GRK6: variants seen among roughly 807,000 people sequenced by gnomAD.
The protein encoded by GRK6 is G protein-coupled receptor kinase 6.
Under a neutral mutation model 80.8 loss-of-function variants are expected in GRK6, and 37 were observed. The ratio of observed to expected loss-of-function variants is 0.46; its 90% confidence interval spans 0.35 to 0.60. The LOEUF (loss-of-function observed/expected upper bound fraction) is 0.60, where lower values mean the gene tolerates loss of function less well. GRK6 is among the 20% of genes least tolerant of loss of function. The pLI is 0.00. For synonymous variants in GRK6, 295 were observed against 320.9 expected, an observed-to-expected ratio of 0.92 and a Z score of 0.86; for missense variants, 560 against 784.6, an observed-to-expected ratio of 0.71 and a Z score of 3.42.
At chr5:177,430,407 T>C (rs1490733785) in intron 1 of GRK6, among the ~76,000 whole-genome samples, 2 of 152,182 alleles carry the variant, frequency 1.3e-5, no homozygotes, top group African/African-American at 4.8e-5. Context: ...GCGTCTGATA[T>C]CTCTGATGTG....
rs905404094 is a variant in GRK6 at position 177,441,497 on chromosome 5, C to A, written c.1678-240C>A. On this transcript the variant is annotated intron_variant, in intron 15 of 15. Transcript: ENST00000355472. The stretch of plus-strand genomic sequence containing the variant: ...GGGCAGAGGCCTTGCCCTGGCAGAC[C>A]GTGGGATCTACCCAGCCCCCTTACT... 11 of 622,228 alleles carry A rather than the reference C, an allele frequency of 1.8e-5. No homozygotes were observed. The African/African-American group carries it at 2.0e-4, about 11-fold the overall frequency. The allele number at this position is 622,228 out of a possible 1,614,324, so 38.5% of individuals were successfully genotyped here. A position where few individuals can be genotyped will look rare whatever the true frequency, so the allele number is the denominator to read the frequency against.
In GRK6 at chr5:177,436,086, G is replaced by A. The variant is rs1368314385; in HGVS notation, c.1071G>A (p.Val357=). 1.9e-6 allele frequency: 3 copies of A among 1,612,788 alleles called. No homozygotes were observed. Among genetic ancestry groups the A allele is most frequent in the Non-Finnish European group, 1.7e-6 (2 of 1,178,910 alleles). The change falls in exon 12 of 16, where the codon GTG becomes GTA. Residue 357 remains valine (V), a synonymous_variant. Coordinates refer to ENST00000355472, the MANE Select transcript of GRK6 (RefSeq NM_001004106.3). ...CCGCCCGCCCAGCTCCGGAGGTGGT[G>A]AAGAATGAACGGTACACGTTCAGCC... ...GTVGYMAPEV[V]KNERYTFSPD... is the part of the protein sequence containing the mutation.
Position 177,433,547 on chromosome 5 carries a change from C to T in GRK6, c.609C>T (p.Cys203=). 1 of 1,614,078 alleles carries T rather than the reference C, an allele frequency of 6.2e-7. No individual in the cohort carries two copies. Among genetic ancestry groups the T allele is most frequent in the Non-Finnish European group, 8.5e-7 (1 of 1,180,016 alleles). ...GKGGFGEVCA[C]QVRATGKMYA... is the part of the protein sequence containing the mutation. The stretch of plus-strand genomic sequence containing the variant: ...CTGTCTGGCCACAGGTGTGCGCCTG[C>T]CAGGTGCGGGCCACAGGTAAGATGT... The change falls in exon 8 of 16, where the codon TGC becomes TGT. Residue 203 remains cysteine, a synonymous_variant. Transcript: ENST00000355472.
At chr5:177,435,152 C>T (rs752877386) in intron 11 of GRK6, 31 bp downstream of exon 11, 78 of 1,520,844 alleles carry the variant, frequency 5.1e-5, no homozygotes, top group African/African-American at 8.2e-5. Flanking sequence ...CCACTAGCCT[C>T]CTGGGTTCCC....
rs370123571 is a variant in GRK6 at position 177,436,063 on chromosome 5, G to A, written c.1058-10G>A. The stretch of plus-strand genomic sequence containing the variant: ...CCTGCCCAGCCCTAACTCCCATGCC[G>A]CCCGCCCAGCTCCGGAGGTGGTGAA... On this transcript the variant is annotated splice_polypyrimidine_tract_variant and intron_variant, in intron 11 of 15. Transcript: ENST00000355472. 334 of 1,610,234 alleles carry A rather than the reference G, an allele frequency of 2.1e-4. No individual in the cohort carries two copies. The African/African-American group carries it at 2.7e-3, about 13-fold the overall frequency.
rs1763686401 is a variant in GRK6, at chr5:177,426,706, G to C, written c.-140G>C. On this transcript the variant is annotated 5_prime_UTR_variant, in exon 1 of 16. Coordinates refer to ENST00000355472, the MANE Select transcript of GRK6 (RefSeq NM_001004106.3). ...GTGCGCGGCTGGCTGCGGCGGCCGGGGAGGCCGGGGAGGCCGCGGCGCGGT... is the reference window on the plus strand; with the variant it reads ...GTGCGCGGCTGGCTGCGGCGGCCGGCGAGGCCGGGGAGGCCGCGGCGCGGT... The C allele has an allele frequency of 7.3e-6, 2 of 275,550 alleles. No homozygotes were observed. Among genetic ancestry groups the C allele is most frequent in the Non-Finnish European group, 1.1e-5 (2 of 182,838 alleles). The allele number at this position is 275,550 out of a possible 1,614,324, so 17.1% of individuals were successfully genotyped here.
intron 1 of GRK6, 55 bp from the exon 2 acceptor site, chr5:177,430,817 A>T (rs563550918): frequency 6.6e-7 from 1 of 1,519,860 alleles, no homozygotes; most frequent in East Asian, 2.3e-5. Flanking sequence ...CTGAGGACCC[A>T]GAGGCAGTTC....
chr5:177,433,028 C>A, intron 5 of GRK6, 119 bp from the exon 6 acceptor site: 1 of 902,608 alleles, frequency 1.1e-6, no homozygotes, highest in Non-Finnish European at 1.8e-6. Context: ...AGCAGGAGGA[C>A]TGGCCGACGA....
chr5:177,431,032 C>T (rs2127371514), intron 2 of GRK6, 65 bp downstream of exon 2: 4 of 1,394,090 alleles, frequency 2.9e-6, no homozygotes, highest in East Asian at 2.4e-5. Flanking sequence ...GGGGAGCCTC[C>T]CCTGAGACCT....
chr5:177,442,114 TC>T lies in GRK6; in HGVS notation c.*326del. ...GCAGACCTGGCGCCCCCGCCTTGGC[TC>T]CTGGGGGCAGCCAGCCCTGGCTGGG... On this transcript the variant is annotated 3_prime_UTR_variant, in exon 16 of 16. Coordinates refer to ENST00000355472, the MANE Select transcript of GRK6 (RefSeq NM_001004106.3). The T allele has an allele frequency of 2.9e-6, 1 of 348,160 alleles. No homozygotes were observed. The highest frequency in any genetic ancestry group is 5.2e-6 in the Non-Finnish European group (1 of 190,778). 21.6% of individuals were successfully genotyped at this position (348,160 alleles called of 1,614,324 possible).
rs1277583622 is a variant in GRK6 at position 177,432,441 on chromosome 5, G to A, written c.339+131G>A. ...ACATGTAACACACAGCCTGGACAGA[G>A]AGTGCCCTGGAGCTGCTCCAGGCAG... On this transcript the variant is annotated intron_variant, in intron 4 of 15. Transcript: ENST00000355472. 1.9e-5 allele frequency: 18 copies of A among 951,708 alleles called. No individual in the cohort carries two copies. In the South Asian group the frequency reaches 2.1e-4, roughly 11 times the overall value. The allele number at this position is 951,708 out of a possible 1,614,324, so 59.0% of individuals were successfully genotyped here. A position where few individuals can be genotyped will look rare whatever the true frequency, so the allele number is the denominator to read the frequency against.
rs760288504 is a variant in GRK6, at chr5:177,433,184, G to A, written c.478G>A (p.Asp160Asn). ...GTACCTGAGCGTGGCCCCTTTTGCC[G>A]ACTACCTCGACAGCATCTACTTCAA... is the stretch of plus-strand genomic sequence containing the variant. Reference protein sequence around the residue: ...HEYLSVAPFADYLDSIYFNRF... With the variant: ...HEYLSVAPFANYLDSIYFNRF... Residue 160 changes from aspartate to asparagine, a missense_variant, in exon 6 of 16, where the codon GAC becomes AAC. Asp to Asn is a conservative substitution (Grantham distance 23). Coordinates refer to ENST00000355472, the MANE Select transcript of GRK6 (RefSeq NM_001004106.3). 14 of 1,614,014 alleles carry A rather than the reference G, an allele frequency of 8.7e-6. No homozygotes were observed. Among genetic ancestry groups the A allele is most frequent in the Middle Eastern group, 1.6e-4 (1 of 6,074 alleles).
chr5:177,433,281 G>A (rs372898216), intron 6 of GRK6, 42 bp downstream of exon 6: 148 of 1,613,396 alleles, frequency 9.2e-5, no homozygotes, highest in Non-Finnish European at 1.1e-4. Flanking sequence ...CCAGGTCGCC[G>A]GGGTTCTTCA....
chr5:177,426,762 C>A lies in GRK6; in HGVS notation c.-84C>A. ...CGAGCCGAGCCGAGCCGCGCCGAGC[C>A]GCGCCGATCGCCATCCGGCCTCGGC... is the stretch of plus-strand genomic sequence containing the variant. On this transcript the variant is annotated 5_prime_UTR_variant, in exon 1 of 16. Transcript: ENST00000355472. The A allele has an allele frequency of 1.3e-6, 1 of 754,270 alleles. No individual in the cohort carries two copies. The highest frequency in any genetic ancestry group is 1.9e-5 in the African/African-American group (1 of 52,526). The allele number at this position is 754,270 out of a possible 1,614,324, so 46.7% of individuals were successfully genotyped here.
At chr5:177,435,187 C>A in intron 11 of GRK6, 66 bp downstream of exon 11, 1 of 1,187,702 alleles carries the variant, frequency 8.4e-7, no homozygotes, top group Non-Finnish European at 1.2e-6. Flanking sequence ...CCCAGCCACA[C>A]CCACTTCTGT....
chr5:177,437,226 A>T (rs1718644797), intron 13 of GRK6, among the ~76,000 whole-genome samples: 1 of 152,118 alleles, frequency 6.6e-6, no homozygotes, highest in Non-Finnish European at 1.5e-5. Flanking sequence ...AAGTGCTGGG[A>T]TTACAGGAGT....
chr5:177,441,370 GC>G, intron 15 of GRK6: 1 of 1,232,514 alleles, frequency 8.1e-7, no homozygotes. Flanking sequence ...CACTCCCCCT[GC>G]CCACTGCTTT....
chr5:177,429,205 G>A lies in GRK6; in HGVS notation c.53-1667G>A, dbSNP rs1040464492. Among the ~76,000 whole-genome samples, 1 of 152,138 alleles carries A rather than the reference G, an allele frequency of 6.6e-6. No individual in the cohort carries two copies. The highest frequency in any genetic ancestry group is 2.4e-5 in the African/African-American group (1 of 41,424). On this transcript the variant is annotated intron_variant, in intron 1 of 15. Transcript: ENST00000355472. The surrounding 1 kb of genome is among the most constrained non-coding windows in gnomAD (Gnocchi z 4.3). ...TGCTGTGAGGATGGAGTGGGACAAC[G>A]CTGGGGCTTGAGACCTCCCTCAGTA... is the stretch of plus-strand genomic sequence containing the variant.
chr5:177,425,731 G>A (rs1581668332), upstream of GRK6, among the ~76,000 whole-genome samples: 1 of 152,364 alleles, frequency 6.6e-6, no homozygotes, highest in Non-Finnish European at 1.5e-5. Context: ...AGATGGATCC[G>A]GCTCTGCCTT....
Sources: gnomAD v4.1 joint callset for allele counts (sites outside exome capture counted in the v4.1 genomes callset) on GRCh38, gnomAD v4.1.1 for gene constraint, Gnocchi (gnomAD v3.1) non-coding constraint, MANE v1.5 for transcripts, NCBI Gene and HGNC (gene_info 2026-07-23, HGNC 2026-07-21) for gene names.